The following KCNAB1 variants were observed in gnomAD, a reference collection of about 807,000 sequenced individuals.
KCNAB1 encodes the protein potassium voltage-gated channel subfamily A regulatory beta subunit 1, also known as voltage-gated potassium channel subunit beta-1.
A neutral mutation model predicts 64.6 loss-of-function variants in KCNAB1; 35 were observed. The observed-to-expected ratio is 0.54, with a 90% CI of 0.41 to 0.72. KCNAB1 has a LOEUF of 0.72. KCNAB1 is among the 30% of genes least tolerant of loss of function. The probability of loss-of-function intolerance (pLI) is 0.00; values close to 1 mark genes in which losing one functional copy is unlikely to be tolerated. For synonymous variants in KCNAB1, 177 were observed against 183.8 expected, an observed-to-expected ratio of 0.96 and a Z score of 0.30; for missense variants, 401 against 512.9, an observed-to-expected ratio of 0.78 and a Z score of 2.11.
At chr3:156,309,505 G>T (rs548695067) in intron 1 of KCNAB1, among the ~76,000 whole-genome samples, 6 of 152,298 alleles carry the variant, frequency 3.9e-5, no homozygotes, top group African/African-American at 1.2e-4. Context: ...CCATGATAGG[G>T]TTTCTGCATA....
At chr3:156,394,706 G>C (rs1713299699) in intron 1 of KCNAB1, among the ~76,000 whole-genome samples, 2 of 152,182 alleles carry the variant, frequency 1.3e-5, no homozygotes, top group African/African-American at 4.8e-5. Flanking sequence ...CATGTCCCCA[G>C]GCACAGTTGC....
chr3:156,532,824 G>A (rs1402667710), intron 13 of KCNAB1, among the ~76,000 whole-genome samples: 1 of 152,132 alleles, frequency 6.6e-6, no homozygotes, highest in Non-Finnish European at 1.5e-5. Flanking sequence ...CAGTGATGAG[G>A]GGACAGAACA....
At chr3:156,390,215 AC>A (rs1712926515) in intron 1 of KCNAB1, among the ~76,000 whole-genome samples, 1 of 152,128 alleles carries the variant, frequency 6.6e-6, no homozygotes. Flanking sequence ...TGTGCCTCCC[AC>A]CCACCCCAGG....
chr3:156,412,811 C>T (rs1355094254), intron 1 of KCNAB1, among the ~76,000 whole-genome samples: 1 of 152,180 alleles, frequency 6.6e-6, no homozygotes, highest in Non-Finnish European at 1.5e-5. Context: ...AGGAAGCTGG[C>T]TCTTCTGGAT....
intron 1 of KCNAB1, among the ~76,000 whole-genome samples, chr3:156,150,925 A>T (rs1042936206): frequency 6.6e-6 from 1 of 152,188 alleles, no homozygotes; most frequent in Non-Finnish European, 1.5e-5. Context: ...TTATAGAGCA[A>T]ATTTTCTATG....
At chr3:156,477,408 G>C (rs1217017013) in intron 8 of KCNAB1, among the ~76,000 whole-genome samples, 1 of 152,112 alleles carries the variant, frequency 6.6e-6, no homozygotes, top group African/African-American at 2.4e-5. Context: ...ATAAGGTCAA[G>C]GCACATGGCA....
chr3:156,469,109 C>T (rs1407990522), intron 7 of KCNAB1, among the ~76,000 whole-genome samples: 1 of 152,062 alleles, frequency 6.6e-6, no homozygotes, highest in African/African-American at 2.4e-5. Context: ...TTCACACTGG[C>T]AGTTAGCAAA....
At chr3:156,390,180 C>T (rs1712924912) in intron 1 of KCNAB1, among the ~76,000 whole-genome samples, 2 of 152,188 alleles carry the variant, frequency 1.3e-5, no homozygotes, top group African/African-American at 4.8e-5. Flanking sequence ...GATCAGAAGG[C>T]TCTGGTAGAG....
chr3:156,448,609 T>C (rs1711760398), intron 2 of KCNAB1, among the ~76,000 whole-genome samples: 1 of 152,120 alleles, frequency 6.6e-6, no homozygotes, highest in African/African-American at 2.4e-5. Flanking sequence ...GACTTTCCCT[T>C]GGCCTTTTTC....
chr3:156,335,853 GTTT>G (rs4056366), intron 1 of KCNAB1, among the ~76,000 whole-genome samples: 3 of 135,304 alleles, frequency 2.2e-5, no homozygotes, highest in African/African-American at 2.7e-5. Context: ...AATTGTTTGG[GTTT>G]TTTTTTTTTT....
chr3:156,316,976 T>C (rs558376521), intron 1 of KCNAB1, among the ~76,000 whole-genome samples: 3 of 152,238 alleles, frequency 2.0e-5, no homozygotes, highest in South Asian at 2.1e-4. Flanking sequence ...GGGACGATTA[T>C]ATGAGATAAG....
At chr3:156,337,992 G>A (rs1020974046) in intron 1 of KCNAB1, among the ~76,000 whole-genome samples, 2 of 152,192 alleles carry the variant, frequency 1.3e-5, no homozygotes, top group Non-Finnish European at 2.9e-5. Context: ...GGATGGCGAT[G>A]TATATACAAG....
intron 12 of KCNAB1, among the ~76,000 whole-genome samples, chr3:156,527,396 C>T (rs1206946556): frequency 6.6e-6 from 1 of 152,158 alleles, no homozygotes; most frequent in Non-Finnish European, 1.5e-5. Flanking sequence ...AGAGAGTAGA[C>T]ATGCAAAACT....
At chr3:156,470,409 G>T (rs373199839) in intron 7 of KCNAB1, among the ~76,000 whole-genome samples, 158 of 152,286 alleles carry the variant, frequency 1.0e-3, no homozygotes, top group Middle Eastern at 0.01. Context: ...TAATCCCAAC[G>T]ATTTGGGAGG....
rs1295472888 is a variant in KCNAB1 at position 156,435,266 on chromosome 3, G to A, written c.319+13607G>A. Among the ~76,000 whole-genome samples the A allele has an allele frequency of 2.6e-5, 4 of 152,188 alleles. No homozygotes were observed. In the East Asian group the frequency reaches 7.7e-4, roughly 29 times the overall value. On this transcript the variant is annotated intron_variant, in intron 2 of 13. Coordinates refer to ENST00000490337, the MANE Select transcript of KCNAB1 (RefSeq NM_172160.3). ...CTTTATTTTCTTTTTGAAGCAGGAG[G>A]CACTATTACCTGCTGAGGTTAAAGG...
chr3:156,339,362 C>T lies in KCNAB1; in HGVS notation c.276-82254C>T, dbSNP rs373477627. ...TGGGACCCAAGATAATAACACCCCC[C>T]GCCACACACACACACCCAAATTTAA... On this transcript the variant is annotated intron_variant, in intron 1 of 13. Transcript: ENST00000490337. Among the ~76,000 whole-genome samples the T allele has an allele frequency of 4.6e-5, 7 of 152,238 alleles. No individual in the cohort carries two copies. In the South Asian group the frequency reaches 8.3e-4, roughly 18 times the overall value.
At chr3:156,510,793 C>G (rs1717157056) in intron 8 of KCNAB1, among the ~76,000 whole-genome samples, 2 of 152,200 alleles carry the variant, frequency 1.3e-5, no homozygotes, top group Admixed American at 1.3e-4. Context: ...ACCCTGTGGG[C>G]ATGGCTCCCT....
chr3:156,210,484 G>A (rs1030614078), intron 1 of KCNAB1, among the ~76,000 whole-genome samples: 6 of 152,208 alleles, frequency 3.9e-5, no homozygotes, highest in Admixed American at 6.5e-5. Context: ...TCCTCAGCCT[G>A]TACTAGAGAG....
At chr3:156,199,548 C>A (rs1292301558) in intron 1 of KCNAB1, among the ~76,000 whole-genome samples, 2 of 152,146 alleles carry the variant, frequency 1.3e-5, no homozygotes, top group African/African-American at 4.8e-5. Flanking sequence ...CTTGTATTCA[C>A]ATTTTATTTC....
Sources: allele counts gnomAD v4.1 joint callset (sites outside exome capture counted in the v4.1 genomes callset), GRCh38; gene constraint gnomAD v4.1.1; transcripts MANE v1.5; gene names NCBI Gene and HGNC (gene_info 2026-07-23, HGNC 2026-07-21).